Variants in DNM3 observed in about 807,000 individuals in gnomAD.
The protein encoded by DNM3 is dynamin 3, also known as dynamin-3.
In DNM3, 47 loss-of-function variants were observed where a neutral mutation model predicts 101.6. The observed-to-expected ratio is 0.46, with a 90% CI of 0.37 to 0.59. The LOEUF (loss-of-function observed/expected upper bound fraction) is 0.59, where lower values mean the gene tolerates loss of function less well. Among genes scored for constraint, DNM3 ranks in the 20% least tolerant of loss-of-function variants. The pLI, the probability that DNM3 is intolerant of heterozygous loss-of-function variation, is 0.00. For synonymous variants in DNM3, 385 were observed against 387.9 expected, an observed-to-expected ratio of 0.99 and a Z score of 0.09; for missense variants, 849 against 1,085.7, an observed-to-expected ratio of 0.78 and a Z score of 3.06.
At chr1:172,224,687 C>T (rs2061038325) in intron 14 of DNM3, among the ~76,000 whole-genome samples, 1 of 152,182 alleles carries the variant, frequency 6.6e-6, no homozygotes, top group African/African-American at 2.4e-5. Context: ...GAATTTAAAG[C>T]TAGGAGGAAC....
In DNM3 at chr1:171,987,739, C is replaced by T. The variant is rs766159947; in HGVS notation, c.319C>T (p.Arg107Cys). The stretch of plus-strand genomic sequence containing the variant: ...CCTTGAGATTGAAGCAGAAACAGAT[C>T]GCGTGACTGGAATGAATAAAGGCAT... ...VRLEIEAETD[R>C]VTGMNKGISS... is the part of the protein sequence containing the mutation. Residue 107 changes from arginine (R) to cysteine (C), a missense_variant, in exon 3 of 21, where the codon CGC becomes TGC. Coordinates refer to ENST00000627582, the MANE Select transcript of DNM3 (RefSeq NM_015569.5). 90 of 1,603,750 alleles carry T rather than the reference C, an allele frequency of 5.6e-5. No individual in the cohort carries two copies. The Admixed American group carries it at 1.4e-3, about 25-fold the overall frequency.
chr1:172,344,801 C>G (rs1345798751), intron 17 of DNM3, among the ~76,000 whole-genome samples: 2 of 152,122 alleles, frequency 1.3e-5, no homozygotes, highest in Non-Finnish European at 2.9e-5. Flanking sequence ...GGAATCACTT[C>G]AAAATATTAA....
In DNM3 at chr1:172,098,037, C is replaced by T. The variant is rs556477437; in HGVS notation, c.1545+5162C>T. 2.0e-5 allele frequency among the ~76,000 whole-genome samples: 3 copies of T among 152,126 alleles called. No homozygotes were observed. The South Asian group carries it at 6.2e-4, about 32-fold the overall frequency. ...AGGGTGAGATCACAGGACCACAGGA[C>T]CAGGGTGAAATTAAAATTGCTAATG... is the stretch of plus-strand genomic sequence containing the variant. On this transcript the variant is annotated intron_variant, in intron 13 of 20. Transcript: ENST00000627582.
At chr1:172,105,028 T>C (rs1490139219) in intron 13 of DNM3, among the ~76,000 whole-genome samples, 1 of 152,210 alleles carries the variant, frequency 6.6e-6, no homozygotes, top group Non-Finnish European at 1.5e-5. Context: ...TTAAACACAT[T>C]AATTTACATA....
At chr1:172,311,861 A>C (rs565140385) in intron 16 of DNM3, among the ~76,000 whole-genome samples, 3 of 152,364 alleles carry the variant, frequency 2.0e-5, no homozygotes, top group Non-Finnish European at 4.4e-5. Context: ...GATCAAGACA[A>C]ACGAATTTTT....
intron 16 of DNM3, among the ~76,000 whole-genome samples, chr1:172,316,121 T>G (rs1463297405): frequency 6.6e-6 from 1 of 152,084 alleles, no homozygotes; most frequent in Non-Finnish European, 1.5e-5. Context: ...ACCCAGAATT[T>G]CATATCCAGC....
At chr1:171,933,448 A>G (rs2041182882) in intron 2 of DNM3, among the ~76,000 whole-genome samples, 1 of 152,240 alleles carries the variant, frequency 6.6e-6, no homozygotes, top group Non-Finnish European at 1.5e-5. Context: ...TTCTAGGTGG[A>G]GAGAAACCAA....
intron 1 of DNM3, among the ~76,000 whole-genome samples, chr1:171,890,536 G>T (rs545280741): frequency 1.3e-5 from 2 of 152,086 alleles, no homozygotes; most frequent in South Asian, 2.1e-4. Context: ...CTCACTGAAT[G>T]AAAAAGTATT....
intron 13 of DNM3, among the ~76,000 whole-genome samples, chr1:172,126,761 C>T (rs2056645527): frequency 6.6e-6 from 1 of 151,424 alleles, no homozygotes; most frequent in Non-Finnish European, 1.5e-5. Context: ...CTTTTATCTT[C>T]TCATTTTCTA....
intron 12 of DNM3, among the ~76,000 whole-genome samples, chr1:172,087,745 G>A (rs1488556418): frequency 6.6e-6 from 1 of 152,170 alleles, no homozygotes; most frequent in Non-Finnish European, 1.5e-5. Flanking sequence ...TACTACAACA[G>A]TCTCTCTGTA....
chr1:172,043,481 A>T (rs1192598883), intron 8 of DNM3, among the ~76,000 whole-genome samples: 2 of 152,154 alleles, frequency 1.3e-5, no homozygotes, highest in Non-Finnish European at 2.9e-5. Flanking sequence ...AAAATGTGCT[A>T]AGTAAAGTGA....
At chr1:172,072,822 G>T (rs1481693206) in intron 11 of DNM3, among the ~76,000 whole-genome samples, 1 of 152,220 alleles carries the variant, frequency 6.6e-6, no homozygotes. Context: ...AGGAGGCGGA[G>T]GTTGCAGTGA....
rs2062277066 is a variant in DNM3 at position 172,253,624 on chromosome 1, G to A, written c.1711G>A (p.Val571Met). 6.3e-7 allele frequency: 1 copy of A among 1,594,962 alleles called. No individual in the cohort carries two copies. The highest frequency in any genetic ancestry group is 8.5e-7 in the Non-Finnish European group (1 of 1,170,440). Residue 571 changes from valine (V) to methionine (M), a missense_variant, in exon 15 of 21, where the codon GTG becomes ATG. This residue lies in a region of DNM3 where 193 missense variants were observed against 238.4 expected (regional missense o/e 0.81). Transcript: ENST00000627582. ...CTTGGACAACCTGAAAGTTCGGGATGTGGAAAAGAGCTTTATGTCTAGCAA... is the reference window on the plus strand; with the variant it reads ...CTTGGACAACCTGAAAGTTCGGGATATGGAAAAGAGCTTTATGTCTAGCAA... ...LPLDNLKVRD[V>M]EKSFMSSKHI...
chr1:171,893,362 T>C (rs1344257844), intron 1 of DNM3, among the ~76,000 whole-genome samples: 1 of 152,098 alleles, frequency 6.6e-6, no homozygotes, highest in Non-Finnish European at 1.5e-5. Flanking sequence ...ATTGTATTAT[T>C]TTATGTTATT....
chr1:172,414,326 A>AAAG (rs1346042302), downstream of DNM3, among the ~76,000 whole-genome samples: 2 of 152,258 alleles, frequency 1.3e-5, no homozygotes, highest in African/African-American at 4.8e-5. Flanking sequence ...AAAATTTCTC[A>AAAG]AAGTGCATTC....
chr1:172,342,099 A>T (rs894909667), intron 17 of DNM3, among the ~76,000 whole-genome samples: 1 of 152,144 alleles, frequency 6.6e-6, no homozygotes. Flanking sequence ...TTAAAAAAAT[A>T]AAAAAATAGC....
intron 1 of DNM3, among the ~76,000 whole-genome samples, chr1:171,859,914 A>G (rs2033997094): frequency 6.6e-6 from 1 of 152,136 alleles, no homozygotes; most frequent in African/African-American, 2.4e-5. Flanking sequence ...GGGTCACAGA[A>G]GTCTGTGTGT....
intron 14 of DNM3, among the ~76,000 whole-genome samples, chr1:172,225,134 C>T (rs201296596): frequency 3.1e-5 from 2 of 65,526 alleles, no homozygotes; most frequent in Non-Finnish European, 5.4e-5. Flanking sequence ...TCTTCTTCCT[C>T]TTTTTTTTTT....
chr1:172,008,944 T>G (rs990663610), intron 4 of DNM3, among the ~76,000 whole-genome samples: 1 of 138,264 alleles, frequency 7.2e-6, no homozygotes, highest in African/African-American at 2.7e-5. Flanking sequence ...TATTAATAAA[T>G]ATATTATATT....
Sources: gnomAD v4.1 joint callset for allele counts (sites outside exome capture counted in the v4.1 genomes callset) on GRCh38, gnomAD v4.1.1 for gene constraint, gnomAD v4.1.1 regional missense constraint, MANE v1.5 for transcripts, NCBI Gene and HGNC (gene_info 2026-07-23, HGNC 2026-07-21) for gene names.